The following SCRN1 variants were observed in gnomAD, a reference collection of about 807,000 sequenced individuals.
SCRN1 encodes the protein secernin-1.
In SCRN1, 19 loss-of-function variants were observed where a neutral mutation model predicts 43.3. The ratio of observed to expected loss-of-function variants is 0.44; its 90% CI spans 0.31 to 0.64. SCRN1 has a LOEUF of 0.64. Among genes scored for constraint, SCRN1 ranks in the 30% least tolerant of loss-of-function variants. The probability of loss-of-function intolerance (pLI) is 0.09; values close to 1 mark genes in which losing one functional copy is unlikely to be tolerated. For synonymous variants in SCRN1, 183 were observed against 188.9 expected (o/e 0.97, Z 0.26); for missense variants, 447 against 524.1 (o/e 0.85, Z 1.44).
chr7:29,971,887 C>A (rs1245443668), intron 1 of SCRN1, among the ~76,000 whole-genome samples: 1 of 152,158 alleles, frequency 6.6e-6, no homozygotes, highest in Non-Finnish European at 1.5e-5. Context: ...TTGTTTATGG[C>A]AGGCCCCTCC....
Position 29,943,982 on chromosome 7 carries a change from A to T in SCRN1, c.539T>A (p.Val180Asp). 2 of 1,614,070 alleles carry T rather than the reference A, an allele frequency of 1.2e-6. No individual in the cohort carries two copies. The highest frequency in any genetic ancestry group is 1.7e-6 in the Non-Finnish European group (2 of 1,179,994). The change falls in exon 4 of 8, where the codon GTC (valine) becomes GAC (aspartate). Residue 180 changes from valine (V) to aspartate (D), a missense_variant. By Grantham distance (152) the Val-to-Asp change is radical. Coordinates refer to ENST00000242059, the MANE Select transcript of SCRN1 (RefSeq NM_014766.5). ...TIGKYWAAEKVTEGVRCICSQ... is the reference protein window; with the variant it reads ...TIGKYWAAEKDTEGVRCICSQ... ...CATCATCCACACCCACTCACCTGTG[A>T]CTTTCTCGGCAGCCCAGTACTTCCC...
rs563535915 is a variant in SCRN1, at chr7:29,979,966, T to TC, written c.-2+9675dup. ...GAAGAAAACGATTTACATAAGATTA[T>TC]CCCTACAGGCTAGACCTATGCAGTC... is the stretch of plus-strand genomic sequence containing the variant. On this transcript the variant is annotated intron_variant, in intron 1 of 7. Transcript: ENST00000242059. Among the ~76,000 whole-genome samples, 40 of 152,330 alleles carry TC rather than the reference T, an allele frequency of 2.6e-4. 1 individual carries two copies. In the East Asian group the frequency reaches 7.7e-3, roughly 29 times the overall value.
chr7:29,938,813 C>T (rs766807082), intron 5 of SCRN1, among the ~76,000 whole-genome samples: 11 of 152,218 alleles, frequency 7.2e-5, no homozygotes, highest in African/African-American at 2.7e-4. Flanking sequence ...GCTCTCATCT[C>T]TGAAGGCTGT....
At chr7:29,933,252 A>C (rs551563560) in intron 6 of SCRN1, among the ~76,000 whole-genome samples, 2 of 152,022 alleles carry the variant, frequency 1.3e-5, no homozygotes, top group Non-Finnish European at 2.9e-5. Flanking sequence ...TCTAACAACT[A>C]TATCTCTGAA....
intron 1 of SCRN1, among the ~76,000 whole-genome samples, chr7:29,978,433 A>G (rs1788897098): frequency 6.6e-6 from 1 of 152,136 alleles, no homozygotes; most frequent in Non-Finnish European, 1.5e-5. Flanking sequence ...TCTGACACGG[A>G]GGCCAATGAA....
chr7:29,971,361 G>A (rs1353337763), intron 1 of SCRN1, among the ~76,000 whole-genome samples: 1 of 152,194 alleles, frequency 6.6e-6, no homozygotes, highest in Non-Finnish European at 1.5e-5. Context: ...GGCTGGGTGT[G>A]GTGGCTCATG....
At chr7:29,924,371 G>A (rs1322578617) in intron 7 of SCRN1, among the ~76,000 whole-genome samples, 6 of 152,190 alleles carry the variant, frequency 3.9e-5, no homozygotes, top group Admixed American at 3.3e-4. Context: ...CTGAGGGAAG[G>A]CCCTTCTGAC....
intron 1 of SCRN1, among the ~76,000 whole-genome samples, chr7:29,975,177 A>C (rs1374598871): frequency 6.6e-6 from 1 of 152,244 alleles, no homozygotes; most frequent in Non-Finnish European, 1.5e-5. Context: ...TTAGAACATG[A>C]GAAAACTTAT....
rs570703533 is a variant in SCRN1, at chr7:29,947,186, C to G, written c.342-3007G>C. On this transcript the variant is annotated intron_variant, in intron 3 of 7. Coordinates refer to ENST00000242059, the MANE Select transcript of SCRN1 (RefSeq NM_014766.5). The stretch of plus-strand genomic sequence containing the variant: ...CTTCCAAAGTGTGTGCTTTGTCCAG[C>G]TTGCTCTGGGCCTGGGAATTAGATG... 137 of 1,549,634 alleles carry G rather than the reference C, an allele frequency of 8.8e-5. No homozygotes were observed. The African/African-American group carries it at 1.6e-3, about 18-fold the overall frequency.
rs1786706087 is a variant in SCRN1, at chr7:29,920,188, T to A, written c.*3769A>T. The A allele has an allele frequency of 6.6e-6, 1 of 152,628 alleles. No individual in the cohort carries two copies. Among genetic ancestry groups the A allele is most frequent in the Non-Finnish European group, 1.5e-5 (1 of 68,036 alleles). The allele number at this position is 152,628 out of a possible 1,614,324, so 9.5% of individuals were successfully genotyped here. On this transcript the variant is annotated 3_prime_UTR_variant, in exon 8 of 8. Transcript: ENST00000242059. ...GCAAGCACTGGATAGGGATATTATCTGCTTTGTAGATATTTGTACAAAAGA... is the reference window on the plus strand; with the variant it reads ...GCAAGCACTGGATAGGGATATTATCAGCTTTGTAGATATTTGTACAAAAGA...
At position 29,942,735 on chromosome 7, in the gene SCRN1, C is replaced by T. The variant is rs530573780; in HGVS notation, c.544+1242G>A. On this transcript the variant is annotated intron_variant, in intron 4 of 7. Transcript: ENST00000242059. The stretch of plus-strand genomic sequence containing the variant: ...GGGCATATGAGGTGGAGAAACTCTC[C>T]GTGATTGCTGACGGACACCACTAGC... 5.9e-5 allele frequency among the ~76,000 whole-genome samples: 9 copies of T among 152,252 alleles called. No homozygotes were observed. In the East Asian group the frequency reaches 1.5e-3, roughly 26 times the overall value.
At chr7:29,978,966 T>C (rs896091962) in intron 1 of SCRN1, among the ~76,000 whole-genome samples, 111 of 152,248 alleles carry the variant, frequency 7.3e-4, no homozygotes, top group African/African-American at 2.5e-3. Context: ...AAACCTACAT[T>C]TATTCATAGG....
chr7:29,986,472 C>T (rs1326644188), intron 1 of SCRN1, among the ~76,000 whole-genome samples: 2 of 151,960 alleles, frequency 1.3e-5, no homozygotes, highest in East Asian at 3.9e-4. Flanking sequence ...TATCTCAATA[C>T]AAACTAGCTG....
intron 3 of SCRN1, among the ~76,000 whole-genome samples, chr7:29,944,503 A>G (rs1188120662): frequency 6.6e-6 from 1 of 151,950 alleles, no homozygotes; most frequent in Non-Finnish European, 1.5e-5. Flanking sequence ...CTCAAAAAAA[A>G]ATTTTTTTAA....
At chr7:29,958,080 C>T (rs899611995) in intron 2 of SCRN1, among the ~76,000 whole-genome samples, 1 of 152,110 alleles carries the variant, frequency 6.6e-6, no homozygotes, top group Admixed American at 6.5e-5. Flanking sequence ...CCCAATCAGC[C>T]CTCCTAAGCA....
In SCRN1 at chr7:29,982,863, C is replaced by T. The variant is rs1052388439; in HGVS notation, c.-2+6779G>A. ...GTCTCTTCATTTTTTTTTTTTGAGA[C>T]GGATTCTCGCCCTGTTGCCCAGGCT... On this transcript the variant is annotated intron_variant, in intron 1 of 7. Transcript: ENST00000242059. 6.7e-5 allele frequency among the ~76,000 whole-genome samples: 10 copies of T among 149,056 alleles called. No individual in the cohort carries two copies. In the East Asian group the frequency reaches 1.6e-3, roughly 24 times the overall value.
At chr7:29,987,192 C>T (rs1209415419) in intron 1 of SCRN1, among the ~76,000 whole-genome samples, 4 of 152,196 alleles carry the variant, frequency 2.6e-5, no homozygotes, top group African/African-American at 9.7e-5. Flanking sequence ...GGTTCAGATG[C>T]CCAGAAGAAA....
At chr7:29,987,480 A>T (rs1398743302) in intron 1 of SCRN1, among the ~76,000 whole-genome samples, 1 of 152,218 alleles carries the variant, frequency 6.6e-6, no homozygotes, top group African/African-American at 2.4e-5. Flanking sequence ...AAGCAACTCA[A>T]TTTTTAATCA....
chr7:29,923,863 T>C lies in SCRN1; in HGVS notation c.*94A>G. 6 of 1,373,956 alleles carry C rather than the reference T, an allele frequency of 4.4e-6. No individual in the cohort carries two copies. The highest frequency in any genetic ancestry group is 6.0e-6 in the Non-Finnish European group (6 of 1,004,078). 85.1% of individuals were successfully genotyped at this position (1,373,956 alleles called of 1,614,324 possible). Reference sequence around the variant, plus strand: ...CAGAAAAGGAGGCCACATATTAACTTTCTCATTTTACTCAAACAGGAGAGT... The same window carrying C: ...CAGAAAAGGAGGCCACATATTAACTCTCTCATTTTACTCAAACAGGAGAGT... On this transcript the variant is annotated 3_prime_UTR_variant, in exon 8 of 8. Transcript: ENST00000242059.
Sources: allele counts gnomAD v4.1 joint callset (sites outside exome capture counted in the v4.1 genomes callset), GRCh38; gene constraint gnomAD v4.1.1; transcripts MANE v1.5; gene names NCBI Gene and HGNC (gene_info 2026-07-23, HGNC 2026-07-21).